PDE4B: variants seen among roughly 807,000 people sequenced by gnomAD.
PDE4B encodes the protein 3',5'-cyclic-AMP phosphodiesterase 4B.
PDE4B carries 20 observed loss-of-function variants against 82.2 expected under a neutral mutation model. That is an observed-to-expected ratio of 0.24 (90% CI 0.17 to 0.35). The LOEUF is 0.35. Ranked by LOEUF, PDE4B falls within the 10% of genes least tolerant of loss-of-function variation. The pLI, the probability that PDE4B is intolerant of heterozygous loss-of-function variation, is 1.00. For missense variants in PDE4B, 655 were observed against 907.2 expected, an observed-to-expected ratio of 0.72 and a Z score of 3.57; for synonymous variants, 320 against 318.9, an observed-to-expected ratio of 1.00 and a Z score of -0.04.
intron 3 of PDE4B, among the ~76,000 whole-genome samples, chr1:66,194,376 G>A (rs1278270572): frequency 6.6e-6 from 1 of 152,066 alleles, no homozygotes; most frequent in Non-Finnish European, 1.5e-5. Flanking sequence ...CTTGGATGCT[G>A]TTTCTGTTTA....
chr1:65,813,154 T>A (rs1412391927), intron 1 of PDE4B, among the ~76,000 whole-genome samples: 6 of 152,216 alleles, frequency 3.9e-5, no homozygotes, highest in South Asian at 2.1e-4. Flanking sequence ...GAGTCACTTA[T>A]TTAAATTCAT....
intron 1 of PDE4B, among the ~76,000 whole-genome samples, chr1:65,833,462 C>T (rs1056158922): frequency 1.3e-5 from 2 of 152,108 alleles, no homozygotes; most frequent in African/African-American, 4.8e-5. Context: ...AGATTTTTAG[C>T]TCAATAAAAG....
intron 3 of PDE4B, among the ~76,000 whole-genome samples, chr1:65,976,682 G>A (rs1193580073): frequency 6.6e-6 from 1 of 152,134 alleles, no homozygotes; most frequent in Non-Finnish European, 1.5e-5. Flanking sequence ...TAGTGAGTGA[G>A]TTCTCATAAG....
At chr1:66,183,554 A>C (rs968384023) in intron 3 of PDE4B, among the ~76,000 whole-genome samples, 4 of 152,182 alleles carry the variant, frequency 2.6e-5, no homozygotes, top group African/African-American at 4.8e-5. Flanking sequence ...AGTTCCATGA[A>C]ATACAGTTGA....
intron 3 of PDE4B, among the ~76,000 whole-genome samples, chr1:66,020,860 T>C (rs1321787970): frequency 6.6e-6 from 1 of 152,232 alleles, no homozygotes; most frequent in Non-Finnish European, 1.5e-5. Context: ...CAAATGGTAT[T>C]TCTAGTTCTA....
chr1:65,809,134 C>T (rs990200690), intron 1 of PDE4B, among the ~76,000 whole-genome samples: 6 of 151,738 alleles, frequency 4.0e-5, no homozygotes, highest in African/African-American at 1.5e-4. Flanking sequence ...AGTTCGAAAC[C>T]AGCCTGGTCA....
At chr1:66,243,452 A>T (rs1261642585) in intron 3 of PDE4B, among the ~76,000 whole-genome samples, 1 of 152,218 alleles carries the variant, frequency 6.6e-6, no homozygotes, top group African/African-American at 2.4e-5. Flanking sequence ...ATAACAATGT[A>T]TTGGGGAGCA....
chr1:65,843,145 G>T (rs1388074476), intron 1 of PDE4B, among the ~76,000 whole-genome samples: 1 of 152,130 alleles, frequency 6.6e-6, no homozygotes, highest in African/African-American at 2.4e-5. Flanking sequence ...GAGTCATTCT[G>T]AAGGCCTGAG....
At chr1:65,918,162 A>C (rs1241074194) in intron 2 of PDE4B, among the ~76,000 whole-genome samples, 2 of 152,194 alleles carry the variant, frequency 1.3e-5, no homozygotes, top group East Asian at 3.8e-4. Context: ...TCCAAAAATA[A>C]ATAAATACAT....
At position 66,230,710 on chromosome 1, in the gene PDE4B, G is replaced by A. The variant is rs567382408; in HGVS notation, c.282-16750G>A. On this transcript the variant is annotated intron_variant, in intron 3 of 16. Transcript: ENST00000341517. ...AAGAACAAAAGTTGCTCCTACTAAC[G>A]TTAAATAACAAATGACCGGAAGCAT... Among the ~76,000 whole-genome samples, 19 of 152,228 alleles carry A rather than the reference G, an allele frequency of 1.2e-4. No individual in the cohort carries two copies. In the South Asian group the frequency reaches 3.1e-3, roughly 25 times the overall value.
chr1:66,291,948 A>G (rs759136987), intron 7 of PDE4B, among the ~76,000 whole-genome samples: 1 of 152,124 alleles, frequency 6.6e-6, no homozygotes, highest in Non-Finnish European at 1.5e-5. Context: ...TTTTTTTCAT[A>G]AATGAGGGAT....
chr1:66,212,349 G>A (rs564296496), intron 3 of PDE4B, among the ~76,000 whole-genome samples: 43 of 152,090 alleles, frequency 2.8e-4, no homozygotes, highest in African/African-American at 1.0e-3. Flanking sequence ...CTGTACATAG[G>A]CATCCATACT....
At chr1:66,173,581 G>A (rs1366166963) in intron 3 of PDE4B, among the ~76,000 whole-genome samples, 4 of 152,206 alleles carry the variant, frequency 2.6e-5, no homozygotes, top group Non-Finnish European at 4.4e-5. Flanking sequence ...TGATCAAAAT[G>A]GAACATCACA....
intron 3 of PDE4B, among the ~76,000 whole-genome samples, chr1:66,048,520 C>G (rs1209082117): frequency 6.6e-6 from 1 of 151,924 alleles, no homozygotes; most frequent in Non-Finnish European, 1.5e-5. Flanking sequence ...GTGTAACTTT[C>G]ATGCTAAACA....
At chr1:66,048,938 G>C (rs1175631651) in intron 3 of PDE4B, 1 of 151,850 alleles carries the variant, frequency 6.6e-6, no homozygotes. Context: ...GGGGAGATGG[G>C]AAGAAATGCT....
At chr1:66,218,244 G>T (rs528258245) in intron 3 of PDE4B, among the ~76,000 whole-genome samples, 16 of 152,214 alleles carry the variant, frequency 1.1e-4, no homozygotes, top group South Asian at 6.2e-4. Context: ...CCTAAGTGAT[G>T]TCGGCCGATA....
chr1:65,907,618 A>G (rs908778919), intron 1 of PDE4B, among the ~76,000 whole-genome samples: 1 of 152,120 alleles, frequency 6.6e-6, no homozygotes, highest in Non-Finnish European at 1.5e-5. Context: ...CCTTGATGTT[A>G]GTTTTAAAAG....
At position 66,339,914 on chromosome 1, in the gene PDE4B, A is replaced by G. The variant is rs1336678318; in HGVS notation, c.747+7294A>G. Reference sequence around the variant, plus strand: ...CCTAGGTTGTATGCCATTGTTGTCTATGAAAGAAAAACCAAGGGCGATGGT... The same window carrying G: ...CCTAGGTTGTATGCCATTGTTGTCTGTGAAAGAAAAACCAAGGGCGATGGT... On this transcript the variant is annotated intron_variant, in intron 8 of 16. Coordinates refer to ENST00000341517, the MANE Select transcript of PDE4B (RefSeq NM_002600.4). 4.7e-5 allele frequency among the ~76,000 whole-genome samples: 7 copies of G among 149,938 alleles called. No homozygotes were observed. In the East Asian group the frequency reaches 1.4e-3, roughly 29 times the overall value.
intron 3 of PDE4B, among the ~76,000 whole-genome samples, chr1:66,203,510 A>C (rs1277105359): frequency 1.3e-5 from 2 of 152,066 alleles, no homozygotes; most frequent in African/African-American, 4.8e-5. Context: ...TGGTCTTTTC[A>C]CATAGTCCCA....
Sources: gnomAD v4.1 joint callset for allele counts (sites outside exome capture counted in the v4.1 genomes callset) on GRCh38, gnomAD v4.1.1 for gene constraint, MANE v1.5 for transcripts, NCBI Gene and HGNC (gene_info 2026-07-23, HGNC 2026-07-21) for gene names.